The following INVS variants were observed in gnomAD, a reference collection of about 807,000 sequenced individuals.
The protein encoded by INVS is inversion of embryo turning homolog.
Under a neutral mutation model 108.8 loss-of-function variants are expected in INVS, and 86 were observed. That is an observed-to-expected ratio of 0.79 (90% CI 0.66 to 0.95). The LOEUF is 0.95. Among genes scored for constraint, INVS ranks in the 40% least tolerant of loss-of-function variants. INVS has a pLI of 0.00. For synonymous variants in INVS, 455 were observed against 473.5 expected, an observed-to-expected ratio of 0.96 and a Z score of 0.51; for missense variants, 1,169 against 1,297.4, an observed-to-expected ratio of 0.90 and a Z score of 1.52.
intron 14 of INVS, among the ~76,000 whole-genome samples, chr9:100,293,715 G>T (rs2806700): frequency 0.33 from 49,599 of 152,052 alleles, 8,817 homozygotes; most frequent in Non-Finnish European, 0.42. Flanking sequence ...GACAAATGCC[G>T]CTAGGGGATG....
intron 3 of INVS, among the ~76,000 whole-genome samples, chr9:100,204,725 T>A (rs906893938): frequency 4.6e-5 from 7 of 152,270 alleles, no homozygotes; most frequent in Non-Finnish European, 8.8e-5. Flanking sequence ...TACTTTTTTT[T>A]AAGTATGCTT....
intron 3 of INVS, among the ~76,000 whole-genome samples, chr9:100,134,843 A>G (rs1414648995): frequency 6.6e-6 from 1 of 152,252 alleles, no homozygotes; most frequent in Non-Finnish European, 1.5e-5. Flanking sequence ...GGAACACTGC[A>G]TGAATGAACT....
At chr9:100,101,003 ATATATAT>A (rs1378224836) in intron 1 of INVS, among the ~76,000 whole-genome samples, 69 of 94,962 alleles carry the variant, frequency 7.3e-4, no homozygotes, top group South Asian at 1.0e-3. Context: ...TATATATAAT[ATATATAT>A]TATATGTATA....
chr9:100,301,748 G>T lies in INVS; in HGVS notation c.*1074G>T, dbSNP rs1833977230. On this transcript the variant is annotated 3_prime_UTR_variant, in exon 17 of 17. Transcript: ENST00000262457. ...GATCAGTGCCACTTCTGTGCTAACG[G>T]TAAGAGATAGACAGATAGGCAATGA... Among the ~76,000 whole-genome samples, 1 of 149,116 alleles carries T rather than the reference G, an allele frequency of 6.7e-6. No homozygotes were observed. Among genetic ancestry groups the T allele is most frequent in the South Asian group, 2.1e-4 (1 of 4,780 alleles).
At position 100,237,366 on chromosome 9, in the gene INVS, C is replaced by G. The variant is rs543146317; in HGVS notation, c.616-2694C>G. ...TCAGCCCCCTTTCCAGTGGAGTGAACGGTTTTGTTTCCCTGGGGTTCCAGG... is the reference window on the plus strand; with the variant it reads ...TCAGCCCCCTTTCCAGTGGAGTGAAGGGTTTTGTTTCCCTGGGGTTCCAGG... On this transcript the variant is annotated intron_variant, in intron 5 of 16. Coordinates refer to ENST00000262457, the MANE Select transcript of INVS (RefSeq NM_014425.5). Among the ~76,000 whole-genome samples, 8 of 152,150 alleles carry G rather than the reference C, an allele frequency of 5.3e-5. No individual in the cohort carries two copies. The South Asian group carries it at 1.7e-3, about 32-fold the overall frequency.
chr9:100,288,780 C>G (rs1217738847), intron 13 of INVS, among the ~76,000 whole-genome samples: 8 of 152,004 alleles, frequency 5.3e-5, no homozygotes, highest in Admixed American at 5.2e-4. Flanking sequence ...GCTACCATGC[C>G]TGGCTAATTT....
At chr9:100,151,643 G>C (rs1828811091) in intron 3 of INVS, among the ~76,000 whole-genome samples, 1 of 152,154 alleles carries the variant, frequency 6.6e-6, no homozygotes, top group Non-Finnish European at 1.5e-5. Flanking sequence ...TTTGAGGAAA[G>C]ACGTGACATG....
intron 11 of INVS, among the ~76,000 whole-genome samples, chr9:100,265,858 A>C (rs547763472): frequency 6.6e-6 from 1 of 152,198 alleles, no homozygotes; most frequent in Admixed American, 6.5e-5. Flanking sequence ...GAGCAGATCA[A>C]CTGAGGTCAG....
chr9:100,233,135 T>C (rs984775618), intron 5 of INVS, among the ~76,000 whole-genome samples: 1 of 152,194 alleles, frequency 6.6e-6, no homozygotes, highest in Non-Finnish European at 1.5e-5. Flanking sequence ...TTTGTAGCAA[T>C]TGTGAATGGG....
chr9:100,250,035 G>T (rs1387967808), intron 8 of INVS, among the ~76,000 whole-genome samples: 1 of 151,950 alleles, frequency 6.6e-6, no homozygotes, highest in Non-Finnish European at 1.5e-5. Flanking sequence ...AACCTGGGAG[G>T]TGGAGGTTGC....
chr9:100,162,138 G>C (rs1444090716), intron 3 of INVS, among the ~76,000 whole-genome samples: 1 of 152,170 alleles, frequency 6.6e-6, no homozygotes, highest in Non-Finnish European at 1.5e-5. Flanking sequence ...CAATCAACTA[G>C]AGTTCAGAAA....
chr9:100,108,815 G>A (rs988244404), intron 2 of INVS, among the ~76,000 whole-genome samples: 11 of 152,180 alleles, frequency 7.2e-5, no homozygotes, highest in African/African-American at 2.7e-4. Context: ...GCTGCCCATT[G>A]TCCTGGAGGA....
Position 100,290,741 on chromosome 9 carries a change from TCTCA to T in INVS, c.2069-1581_2069-1578del, listed in dbSNP as rs1389837404. ...TTTATTTTACATTATTGAGACATAG[TCTCA>T]CTCTGTTGCTCAGGCTGGAGTGCAG... On this transcript the variant is annotated intron_variant, in intron 13 of 16. Coordinates refer to ENST00000262457, the MANE Select transcript of INVS (RefSeq NM_014425.5). Among the ~76,000 whole-genome samples, 8 of 152,220 alleles carry T rather than the reference TCTCA, an allele frequency of 5.3e-5. No homozygotes were observed. The East Asian group carries it at 1.2e-3, about 22-fold the overall frequency.
At chr9:100,103,108 C>T (rs1231746724) in intron 1 of INVS, among the ~76,000 whole-genome samples, 3 of 152,164 alleles carry the variant, frequency 2.0e-5, no homozygotes, top group Non-Finnish European at 2.9e-5. Context: ...CCGCCTTGCC[C>T]TCCCAAAGTG....
At chr9:100,263,003 G>T (rs572799607) in intron 10 of INVS, among the ~76,000 whole-genome samples, 3 of 152,260 alleles carry the variant, frequency 2.0e-5, no homozygotes, top group African/African-American at 7.2e-5. Context: ...ACCTGCCTCA[G>T]CCTACGAAAG....
intron 5 of INVS, among the ~76,000 whole-genome samples, chr9:100,231,397 G>A (rs2118439974): frequency 1.3e-5 from 2 of 152,012 alleles, no homozygotes; most frequent in South Asian, 4.2e-4. Context: ...TGGGATACAG[G>A]TGCAAAACGT....
intron 13 of INVS, among the ~76,000 whole-genome samples, chr9:100,287,041 ATT>A (rs1236730943): frequency 1.1e-4 from 17 of 152,296 alleles, no homozygotes; most frequent in Middle Eastern, 3.4e-3. Flanking sequence ...AATTTTTATG[ATT>A]CTATTTTGGT....
At chr9:100,207,180 G>T (rs35993804) in intron 3 of INVS, among the ~76,000 whole-genome samples, 1 of 151,804 alleles carries the variant, frequency 6.6e-6, no homozygotes, top group Admixed American at 6.6e-5. Flanking sequence ...TCCTGGAACC[G>T]TCCAACCCAC....
intron 3 of INVS, among the ~76,000 whole-genome samples, chr9:100,179,120 C>A (rs1175193757): frequency 6.6e-6 from 1 of 152,122 alleles, no homozygotes; most frequent in Non-Finnish European, 1.5e-5. Flanking sequence ...GCCTGGCTTA[C>A]AAGAGTTCCT....
Sources: allele counts gnomAD v4.1 joint callset (sites outside exome capture counted in the v4.1 genomes callset), GRCh38; gene constraint gnomAD v4.1.1; transcripts MANE v1.5; gene names NCBI Gene and HGNC (gene_info 2026-07-23, HGNC 2026-07-21).